LSM14A: variants seen among roughly 807,000 people sequenced by gnomAD.
LSM14A encodes the protein protein LSM14 homolog A.
LSM14A carries 14 observed loss-of-function variants against 52.4 expected under a neutral mutation model. The ratio of observed to expected loss-of-function variants is 0.27; its 90% CI spans 0.18 to 0.42. LSM14A has a LOEUF of 0.42. Ranked by LOEUF, LSM14A falls within the 10% of genes least tolerant of loss-of-function variation. The pLI is 1.00. For missense variants in LSM14A, 417 were observed against 581.8 expected (o/e 0.72, Z 2.91); for synonymous variants, 185 against 200.3 (o/e 0.92, Z 0.64).
At chr19:34,194,342 A>G (rs1178947429) in intron 1 of LSM14A, 136 bp from the exon 2 acceptor site, 1 of 823,968 alleles carries the variant, frequency 1.2e-6, no homozygotes, top group Non-Finnish European at 1.9e-6. Flanking sequence ...AAACTTTTTT[A>G]GCTATAGATT....
At chr19:34,176,502 C>A (rs968856921) in intron 1 of LSM14A, among the ~76,000 whole-genome samples, 1 of 152,270 alleles carries the variant, frequency 6.6e-6, no homozygotes, top group Admixed American at 6.5e-5. Flanking sequence ...AAATGTTCTT[C>A]TGACATTTAT....
chr19:34,186,822 G>A (rs1012399228), intron 1 of LSM14A, among the ~76,000 whole-genome samples: 2 of 152,104 alleles, frequency 1.3e-5, no homozygotes, highest in East Asian at 1.9e-4. Flanking sequence ...TCTTAACTTT[G>A]TAAGCGTCTT....
chr19:34,218,073 T>C (rs2072794548), intron 6 of LSM14A, among the ~76,000 whole-genome samples: 1 of 148,604 alleles, frequency 6.7e-6, no homozygotes, highest in African/African-American at 2.5e-5. Flanking sequence ...GTGCGATCTC[T>C]GCTCACTGCA....
rs759815849 is a variant in LSM14A, at chr19:34,172,649, G to C, written c.7G>C (p.Gly3Arg). The C allele has an allele frequency of 1.9e-6, 3 of 1,566,232 alleles. No individual in the cohort carries two copies. Among genetic ancestry groups the C allele is most frequent in the South Asian group, 2.3e-5 (2 of 85,898 alleles). MS[G>R]GTPYIGSKIS... ...GAGCGGCGGCGGCGGCGCCATGAGC[G>C]GGGGCACCCCTTACATCGGCAGCAA... is the stretch of plus-strand genomic sequence containing the variant. The change falls in exon 1 of 10, where the codon GGG becomes CGG. Residue 3 changes from glycine to arginine, a missense_variant. By Grantham distance (125) the Gly-to-Arg change is moderately radical. This residue lies in a region of LSM14A where 60 missense variants were observed against 124.8 expected (regional missense o/e 0.48). Coordinates refer to ENST00000544216, the MANE Select transcript of LSM14A (RefSeq NM_015578.4).
chr19:34,223,901 T>C (rs1263354114), intron 9 of LSM14A, among the ~76,000 whole-genome samples: 1 of 152,212 alleles, frequency 6.6e-6, no homozygotes, highest in Non-Finnish European at 1.5e-5. Flanking sequence ...TAAAGATCAT[T>C]AAACTTTCAG....
At chr19:34,191,380 T>G (rs1447626286) in intron 1 of LSM14A, among the ~76,000 whole-genome samples, 1 of 150,280 alleles carries the variant, frequency 6.7e-6, no homozygotes, top group East Asian at 1.9e-4. Flanking sequence ...CAGGGCAAAC[T>G]GCTGGTAATG....
At chr19:34,226,394 T>TAA in intron 9 of LSM14A, 1 of 1,493,652 alleles carries the variant, frequency 6.7e-7, no homozygotes, top group Non-Finnish European at 8.8e-7. Flanking sequence ...TTTTTTTTTT[T>TAA]TTTTACCTTT....
chr19:34,212,690 C>T (rs908074905), intron 4 of LSM14A, among the ~76,000 whole-genome samples: 1 of 152,166 alleles, frequency 6.6e-6, no homozygotes, highest in Non-Finnish European at 1.5e-5. Flanking sequence ...GCAGAAATCA[C>T]TTCTGGATTT....
intron 1 of LSM14A, among the ~76,000 whole-genome samples, chr19:34,185,568 A>G (rs1014211230): frequency 1.3e-5 from 2 of 152,218 alleles, no homozygotes; most frequent in Non-Finnish European, 2.9e-5. Flanking sequence ...TCTGCTCTTA[A>G]GTAAAAAACC....
intron 9 of LSM14A, among the ~76,000 whole-genome samples, chr19:34,225,579 G>A (rs2073298464): frequency 1.3e-5 from 2 of 152,150 alleles, no homozygotes; most frequent in Admixed American, 6.5e-5. Context: ...TGAAAACATG[G>A]GTAAAGATAA....
At chr19:34,220,084 C>T (rs1430367860) in intron 8 of LSM14A, among the ~76,000 whole-genome samples, 1 of 152,136 alleles carries the variant, frequency 6.6e-6, no homozygotes, top group East Asian at 1.9e-4. Flanking sequence ...ATCCTCCCAT[C>T]TCAGCCTCAG....
chr19:34,174,011 A>T (rs1263852095), intron 1 of LSM14A, among the ~76,000 whole-genome samples: 1 of 152,106 alleles, frequency 6.6e-6, no homozygotes, highest in Non-Finnish European at 1.5e-5. Context: ...TGCAAAGGCA[A>T]TGATTTCGGC....
At chr19:34,215,784 CAG>C (rs1248306170) in intron 6 of LSM14A, 123 bp downstream of exon 6, 3 of 686,278 alleles carry the variant, frequency 4.4e-6, no homozygotes, top group African/African-American at 1.8e-5. Flanking sequence ...AGGAGGAGCA[CAG>C]GGGAGTGTCA....
Position 34,188,949 on chromosome 19 carries a change from C to T in LSM14A, c.122-5529C>T, listed in dbSNP as rs376505167. On this transcript the variant is annotated intron_variant, in intron 1 of 9. Transcript: ENST00000544216. ...TAATGCTGATATAAACATTTGTATACAAGTTTCTGTGTGAACATAATATAA... is the reference window on the plus strand; with the variant it reads ...TAATGCTGATATAAACATTTGTATATAAGTTTCTGTGTGAACATAATATAA... Among the ~76,000 whole-genome samples, 61 of 152,042 alleles carry T rather than the reference C, an allele frequency of 4.0e-4. No individual in the cohort carries two copies. In the South Asian group the frequency reaches 4.4e-3, roughly 11 times the overall value.
intron 6 of LSM14A, among the ~76,000 whole-genome samples, chr19:34,218,688 A>C (rs371843018): frequency 6.6e-6 from 1 of 152,234 alleles, no homozygotes; most frequent in Middle Eastern, 3.4e-3. Flanking sequence ...GTTTTTCACT[A>C]TAAATTATGC....
chr19:34,190,520 G>A (rs1375056580), intron 1 of LSM14A, among the ~76,000 whole-genome samples: 3 of 148,944 alleles, frequency 2.0e-5, no homozygotes, highest in South Asian at 2.1e-4. Flanking sequence ...TAAAGCCTTC[G>A]CTTATTATCA....
chr19:34,185,926 C>T (rs1221394158), intron 1 of LSM14A, among the ~76,000 whole-genome samples: 7 of 152,206 alleles, frequency 4.6e-5, no homozygotes, highest in Admixed American at 4.6e-4. Flanking sequence ...CCCATTCTAT[C>T]AACATCAGTT....
At position 34,194,342 on chromosome 19, in the gene LSM14A, A is replaced by T. The variant is rs1178947429; in HGVS notation, c.122-136A>T. ...TTTTCCTCTTTAAAAAAACTTTTTT[A>T]GCTATAGATTAATGAATACTTTCTC... On this transcript the variant is annotated intron_variant, in intron 1 of 9. Transcript: ENST00000544216. 2.4e-6 allele frequency: 2 copies of T among 823,968 alleles called. No homozygotes were observed. The highest frequency in any genetic ancestry group is 3.8e-6 in the Non-Finnish European group (2 of 528,102). 51.0% of individuals were successfully genotyped at this position (823,968 alleles called of 1,614,324 possible). A position where few individuals can be genotyped will look rare whatever the true frequency, so the allele number is the denominator to read the frequency against.
Position 34,209,014 on chromosome 19 carries a change from A to C in LSM14A, c.501A>C (p.Thr167=). 1 of 1,609,238 alleles carries C rather than the reference A, an allele frequency of 6.2e-7. No homozygotes were observed. The highest frequency in any genetic ancestry group is 8.5e-7 in the Non-Finnish European group (1 of 1,176,930). Residue 167 remains threonine, a synonymous_variant, in exon 4 of 10, where the codon ACA becomes ACC. Coordinates refer to ENST00000544216, the MANE Select transcript of LSM14A (RefSeq NM_015578.4). ...PQSSAVGSAF[T]QDTRSLKTQL... ...GTAGTGCGGTTGGTTCTGCCTTTAC[A>C]CAGGATACAAGATCTCTAAAAACAC...
Sources: gnomAD v4.1 joint callset for allele counts (sites outside exome capture counted in the v4.1 genomes callset) on GRCh38, gnomAD v4.1.1 for gene constraint, gnomAD v4.1.1 regional missense constraint, MANE v1.5 for transcripts, NCBI Gene and HGNC (gene_info 2026-07-23, HGNC 2026-07-21) for gene names.